Variants in PCDHA11 observed in about 807,000 individuals in gnomAD.
The protein encoded by PCDHA11 is protocadherin alpha-11.
In PCDHA11, 61 loss-of-function variants were observed where a neutral mutation model predicts 70.3. The ratio of observed to expected loss-of-function variants is 0.87; its 90% CI spans 0.71 to 1.07. The LOEUF (loss-of-function observed/expected upper bound fraction) is 1.07, where lower values mean the gene tolerates loss of function less well. Ranked by LOEUF, PCDHA11 falls within the 50% of genes least tolerant of loss-of-function variation. PCDHA11 has a pLI of 0.00. For missense variants in PCDHA11, 1,324 were observed against 1,237.5 expected, an observed-to-expected ratio of 1.07 and a Z score of -1.05; for synonymous variants, 633 against 555.1, an observed-to-expected ratio of 1.14 and a Z score of -1.97.
At chr5:140,914,228 C>T (rs2076644066) in intron 1 of PCDHA11, among the ~76,000 whole-genome samples, 1 of 152,084 alleles carries the variant, frequency 6.6e-6, no homozygotes, top group Admixed American at 6.6e-5. Flanking sequence ...AGCTCTAATA[C>T]TATTTGCTTT....
At chr5:140,926,899 G>T (rs1554203765) in intron 1 of PCDHA11, 28 of 1,552,028 alleles carry the variant, frequency 1.8e-5, no homozygotes, top group Non-Finnish European at 2.4e-5. Context: ...GAGGATGGTG[G>T]GCTGTGGGGT....
chr5:140,993,562 C>G (rs1233872464), intron 3 of PCDHA11, among the ~76,000 whole-genome samples: 3 of 150,520 alleles, frequency 2.0e-5, no homozygotes, highest in Non-Finnish European at 4.4e-5. Flanking sequence ...TATATAGTAT[C>G]CTTTCTAGGG....
chr5:140,931,304 G>C (rs1218460625), intron 1 of PCDHA11, among the ~76,000 whole-genome samples: 1 of 152,056 alleles, frequency 6.6e-6, no homozygotes, highest in African/African-American at 2.4e-5. Context: ...CAAAAAGAGA[G>C]GAGAATACCA....
chr5:140,916,563 G>A (rs2077621809), intron 1 of PCDHA11, among the ~76,000 whole-genome samples: 1 of 152,198 alleles, frequency 6.6e-6, no homozygotes, highest in African/African-American at 2.4e-5. Context: ...TGTCCAGGGT[G>A]TGTCTAGAAA....
chr5:140,928,570 C>A (rs2085340367), intron 1 of PCDHA11: 1 of 1,614,196 alleles, frequency 6.2e-7, no homozygotes, highest in South Asian at 1.1e-5. Flanking sequence ...GTTTCCCTTG[C>A]CCAGAAATGG....
At chr5:140,901,583 T>A (rs530803677) in intron 1 of PCDHA11, among the ~76,000 whole-genome samples, 6 of 152,222 alleles carry the variant, frequency 3.9e-5, no homozygotes, top group Non-Finnish European at 8.8e-5. Flanking sequence ...GCCAGTGCCA[T>A]GATGTTTTGG....
At chr5:140,872,589 C>T (rs1242242642) in intron 1 of PCDHA11, among the ~76,000 whole-genome samples, 1 of 151,922 alleles carries the variant, frequency 6.6e-6, no homozygotes, top group African/African-American at 2.4e-5. Flanking sequence ...ATCGTGAGAC[C>T]CCCATCTGAA....
intron 1 of PCDHA11, among the ~76,000 whole-genome samples, chr5:140,903,708 T>C (rs1460220411): frequency 1.3e-5 from 2 of 152,212 alleles, no homozygotes; most frequent in Non-Finnish European, 2.9e-5. Context: ...AGTAATAAAA[T>C]ATACAATTCT....
chr5:140,906,459 A>G (rs1217443805), intron 1 of PCDHA11, among the ~76,000 whole-genome samples: 1 of 152,236 alleles, frequency 6.6e-6, no homozygotes. Context: ...AAATGAAGAT[A>G]TTTTCTTAGT....
At chr5:140,941,185 CTTTT>C (rs782102770) in intron 1 of PCDHA11, among the ~76,000 whole-genome samples, 59 of 102,236 alleles carry the variant, frequency 5.8e-4, no homozygotes, top group South Asian at 3.1e-3. Context: ...CATCCTGCTT[CTTTT>C]TTTTTCTTTC....
At chr5:140,956,788 G>T (rs2095310590) in intron 1 of PCDHA11, among the ~76,000 whole-genome samples, 1 of 152,094 alleles carries the variant, frequency 6.6e-6, no homozygotes, top group African/African-American at 2.4e-5. Flanking sequence ...GGCTTTGTTT[G>T]CTTGGTGGGC....
chr5:140,985,202 G>A (rs1554246846), intron 3 of PCDHA11, among the ~76,000 whole-genome samples: 1 of 152,204 alleles, frequency 6.6e-6, no homozygotes, highest in Non-Finnish European at 1.5e-5. Flanking sequence ...CTCCCAAAGT[G>A]TTGGGATTAC....
At chr5:140,909,360 T>C (rs2074454382) in intron 1 of PCDHA11, among the ~76,000 whole-genome samples, 1 of 152,222 alleles carries the variant, frequency 6.6e-6, no homozygotes, top group South Asian at 2.1e-4. Flanking sequence ...ATGTGTTAAT[T>C]TGTTCAAGCA....
chr5:140,934,534 GTTCTAA>G (rs1488792046), intron 1 of PCDHA11, among the ~76,000 whole-genome samples: 7 of 152,064 alleles, frequency 4.6e-5, no homozygotes, highest in Non-Finnish European at 7.4e-5. Flanking sequence ...GAGAGCTACC[GTTCTAA>G]TTCTATCATT....
At chr5:140,890,066 C>G (rs1217511895) in intron 1 of PCDHA11, among the ~76,000 whole-genome samples, 1 of 152,148 alleles carries the variant, frequency 6.6e-6, no homozygotes, top group Non-Finnish European at 1.5e-5. Context: ...CTTTTACTGG[C>G]TTATGAGAAC....
At chr5:140,921,060 A>T (rs543644748) in intron 1 of PCDHA11, among the ~76,000 whole-genome samples, 11 of 152,040 alleles carry the variant, frequency 7.2e-5, no homozygotes, top group African/African-American at 2.7e-4. Flanking sequence ...GCTCACTCTA[A>T]CCTTGAACTC....
Position 141,010,907 on chromosome 5 carries a change from C to G in PCDHA11, c.*970C>G, listed in dbSNP as rs2098418753. 6.5e-6 allele frequency: 1 copy of G among 153,766 alleles called. No individual in the cohort carries two copies. 9.5% of individuals were successfully genotyped at this position (153,766 alleles called of 1,614,324 possible). A position where few individuals can be genotyped will look rare whatever the true frequency, so the allele number is the denominator to read the frequency against. ...GAAATATGAATACAATTCCCCTAAACTCTCCTCAAAAGAGAATTCAGTCTA... is the reference window on the plus strand; with the variant it reads ...GAAATATGAATACAATTCCCCTAAAGTCTCCTCAAAAGAGAATTCAGTCTA... On this transcript the variant is annotated 3_prime_UTR_variant, in exon 4 of 4. Coordinates refer to ENST00000398640, the MANE Select transcript of PCDHA11 (RefSeq NM_018902.5).
intron 1 of PCDHA11, among the ~76,000 whole-genome samples, chr5:140,974,580 T>C (rs2153804250): frequency 6.6e-6 from 1 of 152,286 alleles, no homozygotes; most frequent in South Asian, 2.1e-4. Context: ...GGCATGATCT[T>C]GGCTCACTGC....
intron 1 of PCDHA11, among the ~76,000 whole-genome samples, chr5:140,874,018 G>T (rs1033387450): frequency 1.3e-5 from 2 of 152,114 alleles, no homozygotes; most frequent in Admixed American, 1.3e-4. Context: ...TTTTGAAAAT[G>T]AAAAATAGGA....
Sources: gnomAD v4.1 joint callset for allele counts (sites outside exome capture counted in the v4.1 genomes callset) on GRCh38, gnomAD v4.1.1 for gene constraint, MANE v1.5 for transcripts, NCBI Gene and HGNC (gene_info 2026-07-23, HGNC 2026-07-21) for gene names.